PHLDB3: variants seen among roughly 807,000 people sequenced by gnomAD.
PHLDB3 encodes the protein pleckstrin homology like domain family B member 3.
Under a neutral mutation model 85.7 loss-of-function variants are expected in PHLDB3, and 86 were observed. The observed-to-expected ratio is 1.00, with a 90% confidence interval of 0.84 to 1.20. The LOEUF (loss-of-function observed/expected upper bound fraction) is 1.20. PHLDB3 is among the 50% of genes most tolerant of loss of function. PHLDB3 has a pLI of 0.00. For synonymous variants in PHLDB3, 376 were observed against 349.8 expected (o/e 1.07, Z -0.83); for missense variants, 995 against 873.0 (o/e 1.14, Z -1.76).
intron 2 of PHLDB3, 77 bp from the exon 3 acceptor site, chr19:43,502,360 A>G: frequency 7.1e-7 from 1 of 1,398,906 alleles, no homozygotes; most frequent in Non-Finnish European, 9.6e-7. Flanking sequence ...TCCCCACCCA[A>G]CATCACCCTC....
intron 5 of PHLDB3, among the ~76,000 whole-genome samples, 160 bp downstream of exon 5, chr19:43,497,588 T>G (rs2145941926): frequency 6.6e-6 from 1 of 152,228 alleles, no homozygotes; most frequent in African/African-American, 2.4e-5. Context: ...GGTGCGCACC[T>G]GTAGTCCCAG....
At position 43,486,516 on chromosome 19, in the gene PHLDB3, G is replaced by T. The variant is rs1380926637; in HGVS notation, c.1428+93C>A. 19 of 1,449,664 alleles carry T rather than the reference G, an allele frequency of 1.3e-5. No homozygotes were observed. In the East Asian group the frequency reaches 4.2e-4, roughly 32 times the overall value. The allele number at this position is 1,449,664 out of a possible 1,614,324, so 89.8% of individuals were successfully genotyped here. The stretch of plus-strand genomic sequence containing the variant: ...AGGGGCTGGGGGCCTGGACCCCTGG[G>T]TCTGAGGGAGGTGGAGTTGGGGGTC... On this transcript the variant is annotated intron_variant, in intron 12 of 15. Coordinates refer to ENST00000292140, the MANE Select transcript of PHLDB3 (RefSeq NM_198850.4).
chr19:43,497,040 C>A, intron 6 of PHLDB3, 78 bp downstream of exon 6: 1 of 1,332,204 alleles, frequency 7.5e-7, no homozygotes, highest in Non-Finnish European at 9.6e-7. Context: ...GAAACAAGGA[C>A]AGAGAAAAAG....
chr19:43,503,666 TC>T (rs1296593032), intron 2 of PHLDB3, among the ~76,000 whole-genome samples: 1 of 152,130 alleles, frequency 6.6e-6, no homozygotes, highest in East Asian at 1.9e-4. Flanking sequence ...TCTTGGGGCC[TC>T]CCCGTGGCTC....
At chr19:43,494,658 G>T in intron 9 of PHLDB3, 44 bp downstream of exon 9, 2 of 1,472,524 alleles carry the variant, frequency 1.4e-6, no homozygotes, top group Non-Finnish European at 1.9e-6. Flanking sequence ...CCTCCTCACT[G>T]ACCAATAAGA....
intron 2 of PHLDB3, 138 bp downstream of exon 2, chr19:43,503,766 GTC>G: frequency 2.2e-6 from 2 of 925,848 alleles, no homozygotes; most frequent in Non-Finnish European, 3.2e-6. Flanking sequence ...TCTCTCAGTA[GTC>G]TCTGCTATCA....
chr19:43,502,026 G>A, intron 3 of PHLDB3, 75 bp downstream of exon 3: 1 of 1,515,278 alleles, frequency 6.6e-7, no homozygotes, highest in Non-Finnish European at 8.9e-7. Flanking sequence ...CCCACCCGAG[G>A]AAAAAGCTGG....
At chr19:43,494,266 T>TC (rs1303903827) in intron 9 of PHLDB3, among the ~76,000 whole-genome samples, 1 of 152,152 alleles carries the variant, frequency 6.6e-6, no homozygotes, top group Non-Finnish European at 1.5e-5. Context: ...TGCCTTGGCC[T>TC]CCCAAAGTGC....
Position 43,475,505 on chromosome 19 carries a change from C to G in PHLDB3, c.1828G>C (p.Glu610Gln). 6.2e-7 allele frequency: 1 copy of G among 1,613,850 alleles called. No homozygotes were observed. Among genetic ancestry groups the G allele is most frequent in the South Asian group, 1.1e-5 (1 of 91,064 alleles). ...PRLTFCVKTY[E>Q]RLFYMVAPSP... ...GGAGCCACCATGTAGAAAAGGCGTT[C>G]GTAGGTTTTGACGCAGAAGGTCAGG... Residue 610 changes from glutamate to glutamine, a missense_variant, in exon 16 of 16, where the codon GAA (glutamate) becomes CAA (glutamine). Coordinates refer to ENST00000292140, the MANE Select transcript of PHLDB3 (RefSeq NM_198850.4).
At chr19:43,476,886 C>G (rs1970938596) in intron 15 of PHLDB3, among the ~76,000 whole-genome samples, 1 of 151,996 alleles carries the variant, frequency 6.6e-6, no homozygotes, top group South Asian at 2.1e-4. Flanking sequence ...AAATATAAGA[C>G]AACACCATGG....
At chr19:43,476,707 A>G (rs1970935761) in intron 15 of PHLDB3, among the ~76,000 whole-genome samples, 1 of 152,074 alleles carries the variant, frequency 6.6e-6, no homozygotes, top group South Asian at 2.1e-4. Flanking sequence ...TAAAGAAAGG[A>G]AGTCACTTTC....
At chr19:43,496,885 ACGT>A in intron 6 of PHLDB3, 2 of 566,148 alleles carry the variant, frequency 3.5e-6, no homozygotes, top group Non-Finnish European at 5.2e-6. Context: ...AAAAAAAAAA[ACGT>A]AATAGAACTT....
At chr19:43,485,310 T>C (rs1971130293) in intron 13 of PHLDB3, among the ~76,000 whole-genome samples, 1 of 151,542 alleles carries the variant, frequency 6.6e-6, no homozygotes, top group African/African-American at 2.4e-5. Context: ...CCTCCCAGGT[T>C]CAAGCAATTC....
chr19:43,491,561 G>A (rs1010399164), intron 9 of PHLDB3, among the ~76,000 whole-genome samples: 15 of 151,732 alleles, frequency 9.9e-5, no homozygotes, highest in African/African-American at 3.4e-4. Flanking sequence ...TCATGCAGTG[G>A]TGCGACCTTA....
chr19:43,487,853 T>G (rs1414387139), intron 9 of PHLDB3, among the ~76,000 whole-genome samples: 1 of 151,970 alleles, frequency 6.6e-6, no homozygotes, highest in Admixed American at 6.6e-5. Flanking sequence ...ATAAAACTCT[T>G]TCTAAAAATC....
At chr19:43,491,693 G>T (rs1568479549) in intron 9 of PHLDB3, among the ~76,000 whole-genome samples, 1 of 148,990 alleles carries the variant, frequency 6.7e-6, no homozygotes, top group South Asian at 2.1e-4. Flanking sequence ...TTGAGACAAG[G>T]TCTCGCTCTG....
chr19:43,475,429 T>A lies in PHLDB3; in HGVS notation c.1904A>T (p.Asp635Val). ...GGCCACTCAGGGGGCGTGGTTTTCG[T>A]CAGCGGCGGTCACGATGACGTCCAT... is the stretch of plus-strand genomic sequence containing the variant. The part of the protein sequence containing the change: ...IWMDVIVTAA[D>V]ENHAP The change falls in exon 16 of 16, where the codon GAC becomes GTC. Residue 635 changes from aspartate (D) to valine (V), a missense_variant. Transcript: ENST00000292140. The A allele has an allele frequency of 6.2e-7, 1 of 1,613,904 alleles. No homozygotes were observed. Among genetic ancestry groups the A allele is most frequent in the South Asian group, 1.1e-5 (1 of 91,086 alleles).
chr19:43,501,820 C>A lies in PHLDB3; in HGVS notation c.448G>T (p.Ala150Ser), dbSNP rs71350685. The change falls in exon 4 of 16, where the codon GCC becomes TCC. Residue 150 changes from alanine to serine, a missense_variant. Coordinates refer to ENST00000292140, the MANE Select transcript of PHLDB3 (RefSeq NM_198850.4). ...AGCTGCTCCTCCTCCCGGCGAGCGG[C>A]CACTCGCTCCCCAGCCAGCTCACCC... is the stretch of plus-strand genomic sequence containing the variant. ...LRGELAGERV[A>S]ARREEEQLRE... is the part of the protein sequence containing the mutation. 1.3e-5 allele frequency: 20 copies of A among 1,588,064 alleles called. No individual in the cohort carries two copies. The highest frequency in any genetic ancestry group is 1.7e-5 in the Non-Finnish European group (20 of 1,168,424).
rs1971625440 is a variant in PHLDB3 at position 43,502,264 on chromosome 19, A to G, written c.233T>C (p.Ile78Thr). Reference sequence around the variant, plus strand: ...TGCGGGAGGTGTGGCCGCCATAGCTATCGGAGGCGTAGCCTCGGGCTGAAG... The same window carrying G: ...TGCGGGAGGTGTGGCCGCCATAGCTGTCGGAGGCGTAGCCTCGGGCTGAAG... ...SRDAPEATPP[I>T]AMAATPPAST... is the part of the protein sequence containing the mutation. Residue 78 changes from isoleucine to threonine, a missense_variant, in exon 3 of 16, where the codon ATA (isoleucine) becomes ACA (threonine). Transcript: ENST00000292140. 3 of 1,562,348 alleles carry G rather than the reference A, an allele frequency of 1.9e-6. No homozygotes were observed. The highest frequency in any genetic ancestry group is 1.4e-5 in the African/African-American group (1 of 73,800).
Sources: allele counts gnomAD v4.1 joint callset (sites outside exome capture counted in the v4.1 genomes callset), GRCh38; gene constraint gnomAD v4.1.1; transcripts MANE v1.5; gene names NCBI Gene and HGNC (gene_info 2026-07-23, HGNC 2026-07-21).